Variants in RIPOR2 observed in about 807,000 individuals in gnomAD.
The protein encoded by RIPOR2 is RHO family interacting cell polarization regulator 2.
A neutral mutation model predicts 114.5 loss-of-function variants in RIPOR2; 39 were observed. The observed-to-expected ratio is 0.34, with a 90% confidence interval of 0.26 to 0.44. RIPOR2 has a LOEUF of 0.44. Among genes scored for constraint, RIPOR2 ranks in the 20% least tolerant of loss-of-function variants. The pLI, the probability that RIPOR2 is intolerant of heterozygous loss-of-function variation, is 1.00. For synonymous variants in RIPOR2, 445 were observed against 484.4 expected (o/e 0.92, Z 1.07); for missense variants, 1,007 against 1,255.1 (o/e 0.80, Z 2.99).
chr6:25,034,370 G>A (rs919124709), intron 1 of RIPOR2, among the ~76,000 whole-genome samples: 2 of 152,138 alleles, frequency 1.3e-5, no homozygotes, highest in Non-Finnish European at 1.5e-5. Flanking sequence ...ATGTTCTTAC[G>A]CAGTGAAACA....
At chr6:25,033,363 C>T (rs1777091715) in intron 1 of RIPOR2, among the ~76,000 whole-genome samples, 1 of 152,218 alleles carries the variant, frequency 6.6e-6, no homozygotes, top group African/African-American at 2.4e-5. Context: ...GGCAGCTCCC[C>T]AGTCCTTTTG....
chr6:24,921,105 C>T (rs116178673), intron 1 of RIPOR2, among the ~76,000 whole-genome samples: 13 of 152,060 alleles, frequency 8.5e-5, no homozygotes, highest in African/African-American at 3.1e-4. Context: ...CAAATCCTTA[C>T]AGTAACCTAT....
chr6:25,022,196 T>C (rs532908148), intron 1 of RIPOR2, among the ~76,000 whole-genome samples: 42 of 152,300 alleles, frequency 2.8e-4, no homozygotes, highest in African/African-American at 8.9e-4. Flanking sequence ...AAGAGTTACA[T>C]CATATGAAAA....
intron 1 of RIPOR2, among the ~76,000 whole-genome samples, chr6:24,982,770 G>C (rs1401651881): frequency 2.0e-5 from 3 of 152,184 alleles, no homozygotes; most frequent in African/African-American, 4.8e-5. Context: ...AAATAGCTCA[G>C]AGCAGGCTGC....
intron 12 of RIPOR2, among the ~76,000 whole-genome samples, chr6:24,844,108 T>C (rs1012545103): frequency 1.2e-4 from 18 of 152,194 alleles, no homozygotes; most frequent in African/African-American, 4.3e-4. Context: ...ACACCATAAA[T>C]AATTCAAGGC....
chr6:24,953,333 C>CA (rs1554124113), intron 1 of RIPOR2, among the ~76,000 whole-genome samples: 1 of 58,598 alleles, frequency 1.7e-5, no homozygotes, highest in African/African-American at 3.7e-5. Context: ...AACTCTGCCC[C>CA]CCCCCAAAAA....
intron 1 of RIPOR2, among the ~76,000 whole-genome samples, chr6:25,024,655 C>A (rs1776518829): frequency 6.6e-6 from 1 of 152,162 alleles, no homozygotes; most frequent in African/African-American, 2.4e-5. Flanking sequence ...AGTGTGGCCC[C>A]AGACTGACAA....
intron 1 of RIPOR2, among the ~76,000 whole-genome samples, chr6:24,967,654 T>C (rs1016631889): frequency 1.3e-5 from 2 of 152,192 alleles, no homozygotes; most frequent in South Asian, 4.1e-4. Flanking sequence ...AAGCTTCCAT[T>C]AGGGCAGAAG....
chr6:24,919,886 T>C (rs1770351935), intron 1 of RIPOR2, among the ~76,000 whole-genome samples: 1 of 152,230 alleles, frequency 6.6e-6, no homozygotes, highest in Admixed American at 6.5e-5. Context: ...CGGCAGTAGA[T>C]ACTATTCGAC....
chr6:24,970,161 G>A (rs34878248), intron 1 of RIPOR2, among the ~76,000 whole-genome samples: 47,829 of 150,362 alleles, frequency 0.32, 8,201 homozygotes, highest in Non-Finnish European at 0.39. Flanking sequence ...GAAAGGGGAC[G>A]AAAAAAAAAG....
intron 1 of RIPOR2, among the ~76,000 whole-genome samples, chr6:24,931,527 T>A (rs971288653): frequency 6.6e-6 from 1 of 152,228 alleles, no homozygotes; most frequent in African/African-American, 2.4e-5. Context: ...AGAGTTCCCC[T>A]CCTTTGTGGA....
At chr6:24,966,058 T>C (rs1379706249) in intron 1 of RIPOR2, among the ~76,000 whole-genome samples, 1 of 152,204 alleles carries the variant, frequency 6.6e-6, no homozygotes, top group East Asian at 1.9e-4. Context: ...CAGAATGAGA[T>C]TGGGTGAAAA....
At chr6:24,916,899 C>T (rs1244369246) in intron 1 of RIPOR2, among the ~76,000 whole-genome samples, 2 of 152,144 alleles carry the variant, frequency 1.3e-5, no homozygotes, top group Non-Finnish European at 2.9e-5. Context: ...TAAACCTCCT[C>T]TCCACCCCCA....
intron 16 of RIPOR2, among the ~76,000 whole-genome samples, chr6:24,831,932 C>G (rs1760719534): frequency 6.6e-6 from 1 of 152,146 alleles, no homozygotes; most frequent in Non-Finnish European, 1.5e-5. Context: ...GGTGCAAGAG[C>G]ATCCTATAGT....
intron 1 of RIPOR2, among the ~76,000 whole-genome samples, chr6:24,957,594 T>C (rs636915): frequency 0.79 from 120,860 of 152,146 alleles, 51,599 homozygotes; most frequent in East Asian, 0.96. Context: ...AGAAGGAGGG[T>C]CGGGTGCAGT....
intron 1 of RIPOR2, among the ~76,000 whole-genome samples, chr6:24,967,594 T>C (rs935967870): frequency 2.6e-5 from 4 of 152,112 alleles, no homozygotes; most frequent in African/African-American, 9.7e-5. Context: ...ACCTGAGAAA[T>C]CCAAGGATCT....
At chr6:25,030,673 GGGTCTTGCT>G (rs2113751339) in intron 1 of RIPOR2, among the ~76,000 whole-genome samples, 2 of 152,156 alleles carry the variant, frequency 1.3e-5, no homozygotes, top group Middle Eastern at 3.4e-3. Flanking sequence ...AAAAGGCATA[GGGTCTTGCT>G]GTTTTTCGTT....
intron 1 of RIPOR2, chr6:24,877,440 T>A (rs1326820552): frequency 7.2e-6 from 5 of 698,278 alleles, no homozygotes; most frequent in Non-Finnish European, 8.8e-6. Context: ...CCATACTAGC[T>A]GGGGAGGAGC....
At chr6:24,950,270 G>C (rs1468900992) in intron 1 of RIPOR2, among the ~76,000 whole-genome samples, 3 of 152,140 alleles carry the variant, frequency 2.0e-5, no homozygotes, top group Non-Finnish European at 4.4e-5. Context: ...TCAAGTACTT[G>C]CTTGGGCCAG....
Sources: allele counts gnomAD v4.1 joint callset (sites outside exome capture counted in the v4.1 genomes callset), GRCh38; gene constraint gnomAD v4.1.1; transcripts MANE v1.5; gene names NCBI Gene and HGNC (gene_info 2026-07-23, HGNC 2026-07-21).